The following NR1H4 variants were observed in gnomAD, a reference collection of about 807,000 sequenced individuals.
NR1H4 encodes the protein nuclear receptor subfamily 1 group H member 4, also known as bile acid receptor.
Under a neutral mutation model 58.5 loss-of-function variants are expected in NR1H4, and 23 were observed. The ratio of observed to expected loss-of-function variants is 0.39; its 90% CI spans 0.28 to 0.56. The LOEUF is 0.56. NR1H4 is among the 20% of genes least tolerant of loss of function. NR1H4 has a pLI of 0.58. For missense variants in NR1H4, 487 were observed against 576.9 expected (o/e 0.84, Z 1.60); for synonymous variants, 214 against 198.0 (o/e 1.08, Z -0.68).
intron 3 of NR1H4, 21 bp downstream of exon 3, chr12:100,493,423 G>C (rs1190924443): frequency 2.5e-6 from 3 of 1,192,214 alleles, no homozygotes; most frequent in Non-Finnish European, 3.7e-6. Context: ...AAGTTCATTT[G>C]AATATCAATA....
intron 3 of NR1H4, among the ~76,000 whole-genome samples, chr12:100,508,566 A>G (rs11110402): frequency 6.6e-6 from 1 of 151,986 alleles, no homozygotes; most frequent in Admixed American, 6.6e-5. Flanking sequence ...AGGTAGGAGT[A>G]AAGTTGCTTA....
At chr12:100,513,192 A>G (rs1954167432) in intron 4 of NR1H4, among the ~76,000 whole-genome samples, 1 of 152,212 alleles carries the variant, frequency 6.6e-6, no homozygotes, top group Non-Finnish European at 1.5e-5. Flanking sequence ...ATTGCTACTC[A>G]TAGCACCTAG....
intron 9 of NR1H4, among the ~76,000 whole-genome samples, chr12:100,558,204 C>CAA (rs569114964): frequency 0.014 from 1,181 of 84,764 alleles, 25 homozygotes; most frequent in East Asian, 0.057. Flanking sequence ...ACTAAAAATA[C>CAA]AAAAAAAAAA....
At chr12:100,498,735 T>A (rs1452383804) in intron 3 of NR1H4, among the ~76,000 whole-genome samples, 1 of 152,176 alleles carries the variant, frequency 6.6e-6, no homozygotes, top group Admixed American at 6.5e-5. Flanking sequence ...AGCTTTGGAA[T>A]CCACGTCTTG....
chr12:100,505,020 T>A (rs1229246264), intron 3 of NR1H4, among the ~76,000 whole-genome samples: 1 of 151,938 alleles, frequency 6.6e-6, no homozygotes, highest in Non-Finnish European at 1.5e-5. Flanking sequence ...CACAAAGGCC[T>A]GATGCCAGGA....
chr12:100,549,575 T>C (rs542043116), intron 9 of NR1H4, among the ~76,000 whole-genome samples: 12 of 152,258 alleles, frequency 7.9e-5, no homozygotes, highest in South Asian at 2.1e-4. Context: ...TTAGAATGCA[T>C]ATAATCAAAA....
Position 100,535,219 on chromosome 12 carries a change from A to T in NR1H4, c.732+196A>T, listed in dbSNP as rs985022443. Among the ~76,000 whole-genome samples, 7 of 152,344 alleles carry T rather than the reference A, an allele frequency of 4.6e-5. No individual in the cohort carries two copies. The East Asian group carries it at 1.3e-3, about 29-fold the overall frequency. ...GTAGCAATGCATAAACTAAAAAGTG[A>T]AAGTTTTCCTTCTCTCTGACTCCAT... On this transcript the variant is annotated intron_variant, in intron 6 of 10. Coordinates refer to ENST00000392986, the MANE Select transcript of NR1H4 (RefSeq NM_001206979.2).
At chr12:100,561,244 A>G (rs191588528) in intron 9 of NR1H4, among the ~76,000 whole-genome samples, 2 of 151,700 alleles carry the variant, frequency 1.3e-5, no homozygotes, top group African/African-American at 2.4e-5. Context: ...AAAAATACCA[A>G]AAAATTAGCC....
intron 9 of NR1H4, among the ~76,000 whole-genome samples, chr12:100,547,870 G>GC (rs1177197723): frequency 6.6e-6 from 1 of 151,352 alleles, no homozygotes; most frequent in African/African-American, 2.4e-5. Flanking sequence ...ACCGGGGCGT[G>GC]CCCCCATGCT....
chr12:100,517,658 G>A (rs770851691), intron 4 of NR1H4, among the ~76,000 whole-genome samples: 1 of 152,164 alleles, frequency 6.6e-6, no homozygotes, highest in Admixed American at 6.5e-5. Flanking sequence ...AGCAGTAAGG[G>A]TTGACTTTTC....
intron 9 of NR1H4, among the ~76,000 whole-genome samples, chr12:100,551,090 C>A (rs537636649): frequency 3.9e-5 from 6 of 152,148 alleles, no homozygotes; most frequent in Non-Finnish European, 8.8e-5. Flanking sequence ...TGTCACTCAC[C>A]AATTTCTAAT....
chr12:100,515,600 T>G (rs1327866063), intron 4 of NR1H4, among the ~76,000 whole-genome samples: 1 of 152,200 alleles, frequency 6.6e-6, no homozygotes, highest in Non-Finnish European at 1.5e-5. Flanking sequence ...ATTATTAGTT[T>G]TTTAAAGACT....
rs938978711 is a variant in NR1H4, at chr12:100,562,559, T to C, written c.1192+561T>C. ...CCAAGTCATTAAAAAATTACATTGG[T>C]AAAGTTGTAATATGTGCTACATATT... On this transcript the variant is annotated intron_variant, in intron 10 of 10. Coordinates refer to ENST00000392986, the MANE Select transcript of NR1H4 (RefSeq NM_001206979.2). 2.6e-5 allele frequency among the ~76,000 whole-genome samples: 4 copies of C among 152,206 alleles called. No homozygotes were observed. The South Asian group carries it at 6.2e-4, about 24-fold the overall frequency.
At chr12:100,476,844 G>T (rs532765665) in intron 1 of NR1H4, among the ~76,000 whole-genome samples, 1 of 152,180 alleles carries the variant, frequency 6.6e-6, no homozygotes, top group Non-Finnish European at 1.5e-5. Context: ...CTATGATAAT[G>T]CCACTATACT....
chr12:100,492,275 G>A (rs867835438), intron 1 of NR1H4, among the ~76,000 whole-genome samples: 9 of 151,982 alleles, frequency 5.9e-5, no homozygotes, highest in Non-Finnish European at 1.0e-4. Flanking sequence ...AGAGAGATAC[G>A]AATAATGGGG....
chr12:100,542,026 A>G (rs1019598422), intron 9 of NR1H4, among the ~76,000 whole-genome samples: 5 of 152,220 alleles, frequency 3.3e-5, no homozygotes, highest in African/African-American at 9.6e-5. Flanking sequence ...AACTTTCCCA[A>G]TGACAGAGAG....
intron 9 of NR1H4, among the ~76,000 whole-genome samples, chr12:100,554,326 A>G (rs1955273886): frequency 6.6e-6 from 1 of 152,004 alleles, no homozygotes; most frequent in South Asian, 2.1e-4. Flanking sequence ...CGTCATCAGA[A>G]TAAGTCATAT....
chr12:100,485,714 A>G (rs1953477638), intron 1 of NR1H4, among the ~76,000 whole-genome samples: 1 of 151,854 alleles, frequency 6.6e-6, no homozygotes, highest in African/African-American at 2.4e-5. Context: ...TTGTATTTGT[A>G]GTAGAGAAGG....
At chr12:100,547,806 C>T (rs888889511) in intron 9 of NR1H4, among the ~76,000 whole-genome samples, 3 of 151,668 alleles carry the variant, frequency 2.0e-5, no homozygotes, top group Non-Finnish European at 2.9e-5. Flanking sequence ...CTGCAACCTC[C>T]GCCTCCTGGG....
Sources: gnomAD v4.1 joint callset for allele counts (sites outside exome capture counted in the v4.1 genomes callset) on GRCh38, gnomAD v4.1.1 for gene constraint, MANE v1.5 for transcripts, NCBI Gene and HGNC (gene_info 2026-07-23, HGNC 2026-07-21) for gene names.